Variants in LITAF observed in about 807,000 individuals in gnomAD.
LITAF encodes the protein lipopolysaccharide-induced tumor necrosis factor-alpha factor.
A neutral mutation model predicts 14.5 loss-of-function variants in LITAF; 9 were observed. The observed-to-expected ratio is 0.62, with a 90% CI of 0.37 to 1.08. The LOEUF (loss-of-function observed/expected upper bound fraction) is 1.08, where lower values mean the gene tolerates loss of function less well. Ranked by LOEUF, LITAF falls within the 50% of genes least tolerant of loss-of-function variation. LITAF has a pLI of 0.01. For synonymous variants in LITAF, 98 were observed against 88.2 expected, an observed-to-expected ratio of 1.11 and a Z score of -0.62; for missense variants, 206 against 213.4, an observed-to-expected ratio of 0.97 and a Z score of 0.22.
chr16:11,571,807 G>A (rs1425526893), intron 1 of LITAF, among the ~76,000 whole-genome samples: 1 of 152,124 alleles, frequency 6.6e-6, no homozygotes, highest in African/African-American at 2.4e-5. Flanking sequence ...CTCCTAAATG[G>A]TTTAATCTTT....
chr16:11,622,352 G>T (rs1325783684), intron 3 of LITAF, among the ~76,000 whole-genome samples: 1 of 152,252 alleles, frequency 6.6e-6, no homozygotes, highest in East Asian at 1.9e-4. Flanking sequence ...TCCCTGGGTG[G>T]GGAGATATCC....
At chr16:11,584,756 G>A (rs1465903594) in intron 1 of LITAF, among the ~76,000 whole-genome samples, 3 of 152,176 alleles carry the variant, frequency 2.0e-5, no homozygotes, top group South Asian at 2.1e-4. Flanking sequence ...TACCCATTGC[G>A]TAAACCCCTC....
intron 3 of LITAF, among the ~76,000 whole-genome samples, chr16:11,552,958 A>G (rs1266926967): frequency 1.3e-5 from 2 of 151,780 alleles, no homozygotes; most frequent in African/African-American, 4.8e-5. Context: ...TACTAAAAGT[A>G]CAAAATATTA....
chr16:11,630,906 C>T (rs1456190300), intron 3 of LITAF, among the ~76,000 whole-genome samples: 1 of 152,130 alleles, frequency 6.6e-6, no homozygotes, highest in Non-Finnish European at 1.5e-5. Flanking sequence ...CTGCCATTAC[C>T]TTTGATGCAT....
chr16:11,632,489 C>T lies in LITAF; in HGVS notation c.85+1044G>A, dbSNP rs1013399313. Among the ~76,000 whole-genome samples, 11 of 152,304 alleles carry T rather than the reference C, an allele frequency of 7.2e-5. No homozygotes were observed. The highest frequency in any genetic ancestry group is 2.2e-4 in the African/African-American group (9 of 41,576). Reference sequence around the variant, plus strand: ...GGAGGAAGCAACCCAGGGAAGCTCCCGCAGGTCCCAGCTCAGAACTAACAG... The same window carrying T: ...GGAGGAAGCAACCCAGGGAAGCTCCTGCAGGTCCCAGCTCAGAACTAACAG... On this transcript the variant is annotated intron_variant, in intron 3 of 3. Coordinates refer to the LITAF transcript ENST00000574848. This position sits in a 1 kb window ranked among gnomAD's most constrained non-coding sequence, Gnocchi z 4.8.
chr16:11,576,423 C>T (rs754653923), intron 1 of LITAF, among the ~76,000 whole-genome samples: 12 of 151,480 alleles, frequency 7.9e-5, no homozygotes, highest in Non-Finnish European at 1.3e-4. Context: ...GAGCTGAGAT[C>T]GCACCACTGC....
chr16:11,633,854 T>C (rs1186275750), intron 2 of LITAF, among the ~76,000 whole-genome samples: 1 of 152,166 alleles, frequency 6.6e-6, no homozygotes, highest in African/African-American at 2.4e-5. Context: ...AACCCTCTCT[T>C]GGAGTCTGGA....
At chr16:11,609,300 C>G (rs2064970018) in intron 3 of LITAF, among the ~76,000 whole-genome samples, 1 of 151,810 alleles carries the variant, frequency 6.6e-6, no homozygotes, top group African/African-American at 2.4e-5. Flanking sequence ...CAACCTCCAC[C>G]TCCTGAGTTC....
chr16:11,633,860 C>G (rs2065128478), intron 2 of LITAF, among the ~76,000 whole-genome samples: 2 of 152,170 alleles, frequency 1.3e-5, no homozygotes, highest in Admixed American at 1.3e-4. Context: ...CTCTTGGAGT[C>G]TGGATCGGGA....
At chr16:11,563,967 C>T (rs2064413294) in intron 1 of LITAF, among the ~76,000 whole-genome samples, 1 of 152,056 alleles carries the variant, frequency 6.6e-6, no homozygotes, top group Non-Finnish European at 1.5e-5. Context: ...AGTGTAGTGG[C>T]ATGATTTCAG....
At position 11,551,846 on chromosome 16, in the gene LITAF, A is replaced by C. The variant is rs1039549235; in HGVS notation, c.377+1687T>G. The stretch of plus-strand genomic sequence containing the variant: ...GACTCAGCCTCAAACAAAACAAAAC[A>C]AGTTTCTATTCCATCTTTCCCTGAT... On this transcript the variant is annotated intron_variant, in intron 3 of 3. Transcript: ENST00000622633. 10 of 525,622 alleles carry C rather than the reference A, an allele frequency of 1.9e-5. No homozygotes were observed. In the African/African-American group the frequency reaches 2.3e-4, roughly 12 times the overall value. 32.6% of individuals were successfully genotyped at this position (525,622 alleles called of 1,614,324 possible).
At chr16:11,582,652 A>T (rs1660947758) in intron 1 of LITAF, among the ~76,000 whole-genome samples, 1 of 152,226 alleles carries the variant, frequency 6.6e-6, no homozygotes, top group Admixed American at 6.5e-5. Context: ...GGGATTCCTT[A>T]GGCAAAAGAA....
Position 11,553,496 on chromosome 16 carries a change from G to C in LITAF, c.377+37C>G. Reference sequence around the variant, plus strand: ...CCCCCGCCAGCACCCAGAGAGAAGGGCAGGATGGCTTGGGGCCAAGTGGGA... The same window carrying C: ...CCCCCGCCAGCACCCAGAGAGAAGGCCAGGATGGCTTGGGGCCAAGTGGGA... On this transcript the variant is annotated intron_variant, in intron 3 of 3. Transcript: ENST00000622633. The surrounding 1 kb of genome is among the most constrained non-coding windows in gnomAD (Gnocchi z 7.7). 1 of 1,612,070 alleles carries C rather than the reference G, an allele frequency of 6.2e-7. No homozygotes were observed. Among genetic ancestry groups the C allele is most frequent in the Non-Finnish European group, 8.5e-7 (1 of 1,179,162 alleles).
At chr16:11,602,350 C>T (rs1368767159), upstream of LITAF, among the ~76,000 whole-genome samples, 7 of 151,964 alleles carry the variant, frequency 4.6e-5, no homozygotes, top group Admixed American at 1.3e-4. Flanking sequence ...AATGAGACCC[C>T]GTCTCAAAAA....
At chr16:11,598,095 G>A (rs927505000) in intron 1 of LITAF, among the ~76,000 whole-genome samples, 2 of 152,006 alleles carry the variant, frequency 1.3e-5, no homozygotes, top group Non-Finnish European at 1.5e-5. Context: ...TGTAGAGATG[G>A]GTTTCCCAGG....
intron 3 of LITAF, among the ~76,000 whole-genome samples, chr16:11,630,742 A>G (rs1372231859): frequency 2.6e-5 from 4 of 151,392 alleles, no homozygotes; most frequent in South Asian, 2.1e-4. Context: ...CCACGTCCAG[A>G]TAATGTTTTT....
chr16:11,594,133 C>T (rs1268459883), intron 1 of LITAF, among the ~76,000 whole-genome samples: 1 of 151,746 alleles, frequency 6.6e-6, no homozygotes, highest in Admixed American at 6.6e-5. Context: ...TTGCAGTGAG[C>T]CGAGATGGCG....
intron 1 of LITAF, among the ~76,000 whole-genome samples, chr16:11,566,595 C>G (rs1249101505): frequency 6.6e-6 from 1 of 152,154 alleles, no homozygotes. Flanking sequence ...GAGATGCCAT[C>G]TCTACTAACA....
At position 11,548,074 on chromosome 16, in the gene LITAF, A is replaced by C. The variant is rs1274047875; in HGVS notation, c.*1563T>G. The C allele has an allele frequency of 2.2e-6, 1 of 454,134 alleles. No individual in the cohort carries two copies. The highest frequency in any genetic ancestry group is 1.6e-5 in the South Asian group (1 of 64,480). The allele number at this position is 454,134 out of a possible 1,614,324, so 28.1% of individuals were successfully genotyped here. A position where few individuals can be genotyped will look rare whatever the true frequency, so the allele number is the denominator to read the frequency against. Reference sequence around the variant, plus strand: ...ACTATGTGGTATCCATATTCGTTGCAAAAATGATAATTACTGGAATTTTCC... The same window carrying C: ...ACTATGTGGTATCCATATTCGTTGCCAAAATGATAATTACTGGAATTTTCC... On this transcript the variant is annotated 3_prime_UTR_variant, in exon 4 of 4. Transcript: ENST00000622633.
Sources: gnomAD v4.1 joint callset for allele counts (sites outside exome capture counted in the v4.1 genomes callset) on GRCh38, gnomAD v4.1.1 for gene constraint, Gnocchi (gnomAD v3.1) non-coding constraint, MANE v1.5 for transcripts, NCBI Gene and HGNC (gene_info 2026-07-23, HGNC 2026-07-21) for gene names.